FRMD4B: variants seen among roughly 807,000 people sequenced by gnomAD.
FRMD4B encodes the protein FERM domain-containing protein 4B.
Under a neutral mutation model 141.5 loss-of-function variants are expected in FRMD4B, and 74 were observed. The observed-to-expected ratio is 0.52, with a 90% CI of 0.43 to 0.63. The LOEUF is 0.63. Ranked by LOEUF, FRMD4B falls within the 30% of genes least tolerant of loss-of-function variation. FRMD4B has a pLI of 0.00. For synonymous variants in FRMD4B, 506 were observed against 467.9 expected, an observed-to-expected ratio of 1.08 and a Z score of -1.05; for missense variants, 1,366 against 1,253.4, an observed-to-expected ratio of 1.09 and a Z score of -1.36.
In FRMD4B at chr3:69,450,649, G is replaced by C. The variant is rs192749578; in HGVS notation, c.-128-17888C>G. ...CGTGCCTATAATCCCAGTTACTCGG[G>C]AGGCTGAGGCAGGAGAATCGCTTGA... On this transcript the variant is annotated intron_variant, in intron 1 of 5. Coordinates refer to the FRMD4B transcript ENST00000459638. 1.6e-4 allele frequency among the ~76,000 whole-genome samples: 24 copies of C among 152,300 alleles called. No homozygotes were observed. In the East Asian group the frequency reaches 4.4e-3, roughly 28 times the overall value.
Position 69,311,353 on chromosome 3 carries a change from T to C in FRMD4B, c.233A>G (p.Lys78Arg), listed in dbSNP as rs116404993. The change falls in exon 3 of 23, where the codon AAA becomes AGA. Residue 78 changes from lysine (K) to arginine (R), a missense_variant. Coordinates refer to ENST00000398540, the MANE Select transcript of FRMD4B (RefSeq NM_015123.3). ...GTCCAGCAACTCTCTTGCTAGAAGTTTGGGCTGTCAAAATAAAAATCTGGT... is the reference window on the plus strand; with the variant it reads ...GTCCAGCAACTCTCTTGCTAGAAGTCTGGGCTGTCAAAATAAAAATCTGGT... Reference protein sequence around the residue: ...DRRLELLVQPKLLARELLDLV... With the variant: ...DRRLELLVQPRLLARELLDLV... The C allele has an allele frequency of 4.4e-4, 695 of 1,584,396 alleles. 2 individuals are homozygous for C. In the African/African-American group the frequency reaches 8.5e-3, roughly 19 times the overall value.
At chr3:69,449,997 T>G (rs927528804) in intron 1 of FRMD4B, among the ~76,000 whole-genome samples, 2 of 152,110 alleles carry the variant, frequency 1.3e-5, no homozygotes, top group Admixed American at 1.3e-4. Context: ...TTTACCTTCC[T>G]CAGCCTCAGT....
chr3:69,479,494 G>A (rs1463678529), intron 1 of FRMD4B, among the ~76,000 whole-genome samples: 2 of 152,062 alleles, frequency 1.3e-5, no homozygotes, highest in African/African-American at 4.8e-5. Context: ...ATGAAATTCT[G>A]GGTTGAAAAT....
intron 7 of FRMD4B, among the ~76,000 whole-genome samples, chr3:69,235,302 C>G (rs992383197): frequency 1.3e-5 from 2 of 151,872 alleles, no homozygotes; most frequent in Non-Finnish European, 2.9e-5. Context: ...TTAGGAGACT[C>G]TAGCAAGTGA....
At chr3:69,444,040 C>T (rs1428137706) in intron 1 of FRMD4B, among the ~76,000 whole-genome samples, 52 of 152,204 alleles carry the variant, frequency 3.4e-4, no homozygotes, top group Admixed American at 3.4e-3. Flanking sequence ...TCAGCTGGAC[C>T]TGTGGCCCCC....
intron 1 of FRMD4B, among the ~76,000 whole-genome samples, chr3:69,321,737 C>A (rs1702005695): frequency 6.6e-6 from 1 of 150,930 alleles, no homozygotes. Context: ...TTTTTCTACA[C>A]AGGGTCTCAC....
intron 5 of FRMD4B, among the ~76,000 whole-genome samples, chr3:69,287,452 T>G (rs1052091835): frequency 6.6e-6 from 1 of 152,216 alleles, no homozygotes; most frequent in East Asian, 1.9e-4. Flanking sequence ...GATTATGATC[T>G]GATTGATCCA....
chr3:69,482,608 C>A (rs1225145391), intron 1 of FRMD4B, among the ~76,000 whole-genome samples: 11 of 152,246 alleles, frequency 7.2e-5, no homozygotes, highest in Admixed American at 7.2e-4. Context: ...ACACTTCAAC[C>A]AGTGGAGATT....
At chr3:69,288,551 G>A (rs11720505) in intron 4 of FRMD4B, among the ~76,000 whole-genome samples, 26,022 of 152,232 alleles carry the variant, frequency 0.17, 2,425 homozygotes, top group Non-Finnish European at 0.21. Context: ...GGAGCGCTCT[G>A]ACAGCTCCCG....
At chr3:69,402,459 C>T (rs1704580203) in intron 2 of FRMD4B, among the ~76,000 whole-genome samples, 1 of 152,104 alleles carries the variant, frequency 6.6e-6, no homozygotes, top group Non-Finnish European at 1.5e-5. Context: ...TTCCTTATTA[C>T]CTTATTAACC....
In FRMD4B at chr3:69,224,404, G is replaced by A. The variant is rs116030119; in HGVS notation, c.665+203C>T. ...AGCTGCTCTTTGCAAATGACTGCAA[G>A]ACACATCTTGGTACAATGATCTCCA... On this transcript the variant is annotated intron_variant, in intron 8 of 22. Transcript: ENST00000398540. Among the ~76,000 whole-genome samples, 809 of 152,302 alleles carry A rather than the reference G, an allele frequency of 5.3e-3. 9 individuals are homozygous for A. Among genetic ancestry groups the A allele is most frequent in the African/African-American group, 0.019 (778 of 41,560 alleles).
At chr3:69,430,054 C>G (rs966617637) in intron 2 of FRMD4B, among the ~76,000 whole-genome samples, 1 of 152,128 alleles carries the variant, frequency 6.6e-6, no homozygotes, top group Admixed American at 6.5e-5. Context: ...AGCCACCATG[C>G]CCGGGCCTGG....
chr3:69,339,147 C>T (rs1351152498), intron 1 of FRMD4B, among the ~76,000 whole-genome samples: 1 of 152,140 alleles, frequency 6.6e-6, no homozygotes, highest in Admixed American at 6.6e-5. Flanking sequence ...TGGTGTTCTA[C>T]TCAGTTTCCT....
chr3:69,277,562 C>T lies in FRMD4B; in HGVS notation c.501+10190G>A, dbSNP rs533378568. Among the ~76,000 whole-genome samples, 24 of 118,582 alleles carry T rather than the reference C, an allele frequency of 2.0e-4. No homozygotes were observed. In the South Asian group the frequency reaches 4.2e-3, roughly 21 times the overall value. The allele number at this position is 118,582 out of a possible 152,430, so 77.8% of individuals were successfully genotyped here. A position where few individuals can be genotyped will look rare whatever the true frequency, so the allele number is the denominator to read the frequency against. On this transcript the variant is annotated intron_variant, in intron 5 of 22. Transcript: ENST00000398540. ...TTTTTTTGAGATGGAGTGTTGTTGT[C>T]GCCAGGCTGGAGTGCAGTTGCGCAA...
intron 1 of FRMD4B, among the ~76,000 whole-genome samples, chr3:69,502,444 T>C (rs1706513988): frequency 1.3e-5 from 2 of 152,308 alleles, no homozygotes; most frequent in Admixed American, 6.5e-5. Context: ...GGATTCCCTA[T>C]TTAATAAATG....
At chr3:69,184,094 T>C (rs7637015) in intron 19 of FRMD4B, among the ~76,000 whole-genome samples, 4,975 of 151,902 alleles carry the variant, frequency 0.033, 225 homozygotes, top group African/African-American at 0.099. Flanking sequence ...TTATTTTTAG[T>C]AGAGATGGGG....
chr3:69,274,689 T>G (rs886547012), intron 5 of FRMD4B, among the ~76,000 whole-genome samples: 10 of 152,104 alleles, frequency 6.6e-5, no homozygotes, highest in Non-Finnish European at 1.2e-4. Flanking sequence ...TGGCTAATTT[T>G]TGTATTTTTA....
At chr3:69,261,789 C>A (rs1413538788) in intron 5 of FRMD4B, among the ~76,000 whole-genome samples, 2 of 152,176 alleles carry the variant, frequency 1.3e-5, no homozygotes, top group Non-Finnish European at 2.9e-5. Flanking sequence ...TCTCCTGCCT[C>A]AGCCTCCTGA....
intron 1 of FRMD4B, 145 bp from the exon 2 acceptor site, chr3:69,313,662 A>C: frequency 1.6e-6 from 1 of 615,796 alleles, no homozygotes; most frequent in Non-Finnish European, 2.9e-6. Context: ...GGCCAAAAAC[A>C]GATTTATTAT....
Sources: allele counts gnomAD v4.1 joint callset (sites outside exome capture counted in the v4.1 genomes callset), GRCh38; gene constraint gnomAD v4.1.1; transcripts MANE v1.5; gene names NCBI Gene and HGNC (gene_info 2026-07-23, HGNC 2026-07-21).